SLC37A1: variants seen among roughly 807,000 people sequenced by gnomAD.
SLC37A1 encodes solute carrier family 37 member 1.
In SLC37A1, 49 loss-of-function variants were observed where a neutral mutation model predicts 75.3. The ratio of observed to expected loss-of-function variants is 0.65; its 90% CI spans 0.52 to 0.83. The LOEUF (loss-of-function observed/expected upper bound fraction) is 0.83. Ranked by LOEUF, SLC37A1 falls within the 40% of genes least tolerant of loss-of-function variation. SLC37A1 has a pLI of 0.00. For missense variants in SLC37A1, 566 were observed against 695.0 expected, an observed-to-expected ratio of 0.81 and a Z score of 2.09; for synonymous variants, 268 against 292.1, an observed-to-expected ratio of 0.92 and a Z score of 0.84.
At chr21:42,572,173 T>C (rs2839559) in intron 17 of SLC37A1, among the ~76,000 whole-genome samples, 13,153 of 152,254 alleles carry the variant, frequency 0.086, 782 homozygotes, top group Non-Finnish European at 0.13. Context: ...CCTCCATTGC[T>C]GTCACTGACA....
intron 10 of SLC37A1, 64 bp downstream of exon 10, chr21:42,554,206 C>G: frequency 1.4e-6 from 2 of 1,443,906 alleles, no homozygotes; most frequent in South Asian, 2.4e-5. Context: ...CTTTGAGCCA[C>G]GTCGGCTCTC....
upstream of SLC37A1, chr21:42,509,494 C>T (rs1326295920): frequency 1.3e-5 from 2 of 152,200 alleles, no homozygotes; most frequent in Non-Finnish European, 1.5e-5. This position sits in a 1 kb window ranked among gnomAD's most constrained non-coding sequence, Gnocchi z 4.2. Context: ...GGGAGGGGGC[C>T]GTGGCCAGTC....
At chr21:42,522,291 T>C (rs1284303610) in intron 2 of SLC37A1, among the ~76,000 whole-genome samples, 2 of 152,072 alleles carry the variant, frequency 1.3e-5, no homozygotes, top group Non-Finnish European at 2.9e-5. Context: ...AGGAAACATA[T>C]CATCCAAAAC....
intron 3 of SLC37A1, among the ~76,000 whole-genome samples, chr21:42,527,117 G>T (rs1332390859): frequency 6.6e-6 from 1 of 152,218 alleles, no homozygotes; most frequent in African/African-American, 2.4e-5. Flanking sequence ...AGAAAGGTTG[G>T]GTGTGGATTG....
In SLC37A1 at chr21:42,543,584, T is replaced by C. The variant is rs780480796; in HGVS notation, c.712T>C (p.Phe238Leu). 6.2e-7 allele frequency: 1 copy of C among 1,605,596 alleles called. No individual in the cohort carries two copies. The highest frequency in any genetic ancestry group is 1.7e-5 in the Admixed American group (1 of 58,314). ...AIVAAMGIVC[F>L]LFLIEHPNDV... ...CGTGGCAGCCATGGGGATAGTGTGC[T>C]TTCTCTTCCTCATTGAACGTAAGTG... Residue 238 changes from phenylalanine to leucine, a missense_variant, in exon 8 of 20, where the codon TTT becomes CTT. Coordinates refer to ENST00000352133, the MANE Select transcript of SLC37A1 (RefSeq NM_001320537.2).
intron 17 of SLC37A1, among the ~76,000 whole-genome samples, chr21:42,569,668 C>T (rs904848953): frequency 7.2e-5 from 11 of 152,272 alleles, no homozygotes; most frequent in African/African-American, 9.6e-5. Context: ...GCCCCTCTCC[C>T]GGGTCTGTTC....
At chr21:42,535,698 G>A in intron 5 of SLC37A1, 148 bp downstream of exon 5, 2 of 697,132 alleles carry the variant, frequency 2.9e-6, no homozygotes, top group South Asian at 3.4e-5. Flanking sequence ...CCAAAGACGA[G>A]GCCAAGCTTA....
In SLC37A1 at chr21:42,580,554, G is replaced by A. The variant is rs750165019; in HGVS notation, c.*194G>A. The A allele has an allele frequency of 3.2e-6, 2 of 621,808 alleles. No individual in the cohort carries two copies. The highest frequency in any genetic ancestry group is 1.9e-5 in the African/African-American group (1 of 53,716). The allele number at this position is 621,808 out of a possible 1,614,324, so 38.5% of individuals were successfully genotyped here. On this transcript the variant is annotated 3_prime_UTR_variant, in exon 20 of 20. Transcript: ENST00000352133. ...AAAGGAGACATATTGCTGAACAGCA[G>A]TGAGAAAAGTCTGCAGGAACTGCTG...
intron 8 of SLC37A1, 129 bp from the exon 9 acceptor site, chr21:42,546,974 T>C (rs118178746): frequency 0.074 from 79,323 of 1,074,128 alleles, 3,593 homozygotes; most frequent in Non-Finnish European, 0.09. Flanking sequence ...ACTCATTTAA[T>C]GTGAATCCTG....
intron 2 of SLC37A1, chr21:42,503,091 G>A (rs1008963242): frequency 6.6e-6 from 1 of 151,918 alleles, no homozygotes; most frequent in Non-Finnish European, 1.5e-5. Context: ...TGGTGCACAT[G>A]TCAAAAAAAA....
At chr21:42,563,784 A>G (rs999465103) in intron 12 of SLC37A1, 31 bp from the exon 13 acceptor site, 2 of 1,610,822 alleles carry the variant, frequency 1.2e-6, no homozygotes, top group African/African-American at 1.3e-5. Flanking sequence ...GGAGATCCTC[A>G]CTGTTTCACA....
intron 17 of SLC37A1, among the ~76,000 whole-genome samples, chr21:42,568,794 C>T (rs1007818018): frequency 8.8e-6 from 1 of 113,388 alleles, no homozygotes; most frequent in Non-Finnish European, 2.0e-5. Flanking sequence ...GGTCCAAAAT[C>T]ATACAGGGTT....
intron 6 of SLC37A1, 86 bp downstream of exon 6, chr21:42,539,733 G>A (rs767346342): frequency 8.3e-5 from 117 of 1,403,370 alleles, no homozygotes; most frequent in Non-Finnish European, 1.1e-4. Flanking sequence ...CCTCTGTCAA[G>A]GTGTTGGGAA....
Position 42,575,385 on chromosome 21 carries a change from G to A in SLC37A1, c.1521+470G>A, listed in dbSNP as rs539033262. 1.2e-4 allele frequency: 122 copies of A among 985,456 alleles called. No homozygotes were observed. The African/African-American group carries it at 1.6e-3, about 13-fold the overall frequency. The allele number at this position is 985,456 out of a possible 1,614,324, so 61.0% of individuals were successfully genotyped here. On this transcript the variant is annotated intron_variant, in intron 18 of 19. Transcript: ENST00000352133. ...AGCCATGCTGTCAGACGGCGGGAGC[G>A]GCCCCAACTTCTTTCACCTGAAGGG...
At chr21:42,539,412 A>C in intron 5 of SLC37A1, 100 bp from the exon 6 acceptor site, 1 of 1,362,586 alleles carries the variant, frequency 7.3e-7, no homozygotes, top group Non-Finnish European at 1.0e-6. Flanking sequence ...CCCCAAGCTC[A>C]GAGAACAGCA....
chr21:42,580,271 T>C (rs2056399606), intron 19 of SLC37A1, 74 bp from the exon 20 acceptor site: 1 of 1,542,008 alleles, frequency 6.5e-7, no homozygotes. Flanking sequence ...TTGCACATGG[T>C]GTGTGAAGTT....
chr21:42,554,290 A>G (rs553949146), intron 10 of SLC37A1, 148 bp downstream of exon 10: 10 of 708,082 alleles, frequency 1.4e-5, no homozygotes, highest in East Asian at 1.1e-4. Context: ...GTATTTCTTC[A>G]GTAAAATTTG....
At chr21:42,570,174 A>ACT (rs2056110887) in intron 17 of SLC37A1, among the ~76,000 whole-genome samples, 1 of 31,600 alleles carries the variant, frequency 3.2e-5, no homozygotes, top group African/African-American at 1.6e-4. Flanking sequence ...CAGGGTGGCC[A>ACT]TTGCCATGTG....
chr21:42,543,392 G>C, intron 7 of SLC37A1, 44 bp from the exon 8 acceptor site: 1 of 1,613,530 alleles, frequency 6.2e-7, no homozygotes, highest in South Asian at 1.1e-5. Context: ...ACTCGTTTCA[G>C]CTTCTCAGCT....
Sources: gnomAD v4.1 joint callset for allele counts (sites outside exome capture counted in the v4.1 genomes callset) on GRCh38, gnomAD v4.1.1 for gene constraint, Gnocchi (gnomAD v3.1) non-coding constraint, MANE v1.5 for transcripts, NCBI Gene and HGNC (gene_info 2026-07-23, HGNC 2026-07-21) for gene names.